C7orf57: variants seen among roughly 807,000 people sequenced by gnomAD.
C7orf57 encodes the protein uncharacterized protein C7orf57.
In C7orf57, 33 loss-of-function variants were observed where a neutral mutation model predicts 39.0. The ratio of observed to expected loss-of-function variants is 0.85; its 90% CI spans 0.64 to 1.13. C7orf57 has a LOEUF of 1.13. Ranked by LOEUF, C7orf57 falls within the 50% of genes most tolerant of loss-of-function variation. C7orf57 has a pLI of 0.00. For synonymous variants in C7orf57, 124 were observed against 137.1 expected, an observed-to-expected ratio of 0.90 and a Z score of 0.67; for missense variants, 346 against 362.3, an observed-to-expected ratio of 0.95 and a Z score of 0.37.
In C7orf57 at chr7:48,046,597, T is replaced by C; in HGVS notation, c.488T>C (p.Leu163Pro). 1 of 1,613,198 alleles carries C rather than the reference T, an allele frequency of 6.2e-7. No individual in the cohort carries two copies. The highest frequency in any genetic ancestry group is 1.1e-5 in the South Asian group (1 of 90,900). ...GTTTGGCAAAGAGAGGCTGAGGAACTTGAAAAGGAGAAAAAAAAGGTGACG... is the reference window on the plus strand; with the variant it reads ...GTTTGGCAAAGAGAGGCTGAGGAACCTGAAAAGGAGAAAAAAAAGGTGACG... Reference protein sequence around the residue: ...KTVWQREAEELEKEKKKLRLP... With the variant: ...KTVWQREAEEPEKEKKKLRLP... The change falls in exon 5 of 9, where the codon CTT (leucine) becomes CCT (proline). Residue 163 changes from leucine to proline, a missense_variant. Coordinates refer to ENST00000348904, the MANE Select transcript of C7orf57 (RefSeq NM_001100159.3).
At position 48,040,658 on chromosome 7, in the gene C7orf57, G is replaced by A. The variant is rs1200753302; in HGVS notation, c.56-676G>A. On this transcript the variant is annotated intron_variant, in intron 2 of 8. Coordinates refer to ENST00000348904, the MANE Select transcript of C7orf57 (RefSeq NM_001100159.3). ...TAAGGTGAGATGAATTCTCATGTGGGGAGTCTGGGTGGAGAGAATGGGGGA... is the reference window on the plus strand; with the variant it reads ...TAAGGTGAGATGAATTCTCATGTGGAGAGTCTGGGTGGAGAGAATGGGGGA... Among the ~76,000 whole-genome samples, 3 of 152,038 alleles carry A rather than the reference G, an allele frequency of 2.0e-5. No homozygotes were observed. In the East Asian group the frequency reaches 5.8e-4, roughly 29 times the overall value.
At chr7:48,052,573 A>G in intron 6 of C7orf57, 127 bp from the exon 7 acceptor site, 1 of 725,614 alleles carries the variant, frequency 1.4e-6, no homozygotes, top group Non-Finnish European at 2.4e-6. Flanking sequence ...GGAAAGACAG[A>G]GAGAGAGAGG....
intron 6 of C7orf57, among the ~76,000 whole-genome samples, chr7:48,052,170 C>T (rs1375975110): frequency 6.6e-6 from 1 of 151,972 alleles, no homozygotes; most frequent in Non-Finnish European, 1.5e-5. Context: ...GACGGGGTTT[C>T]ACCAGGTTGA....
chr7:48,044,715 C>T (rs1016266756), intron 4 of C7orf57, among the ~76,000 whole-genome samples: 1 of 152,158 alleles, frequency 6.6e-6, no homozygotes, highest in African/African-American at 2.4e-5. Flanking sequence ...CTAGGTAAAG[C>T]TAGAAATACA....
At chr7:48,054,501 A>C in intron 7 of C7orf57, 94 bp from the exon 8 acceptor site, 3 of 1,069,966 alleles carry the variant, frequency 2.8e-6, no homozygotes, top group Non-Finnish European at 4.1e-6. Flanking sequence ...TTTAAGTAAT[A>C]CAGAATTTTC....
chr7:48,047,705 T>C (rs1790756523), intron 5 of C7orf57, among the ~76,000 whole-genome samples: 1 of 152,150 alleles, frequency 6.6e-6, no homozygotes, highest in South Asian at 2.1e-4. Flanking sequence ...TGTTTTTTAT[T>C]TTATTTTTTT....
At chr7:48,053,184 G>C in intron 7 of C7orf57, 1 of 576,044 alleles carries the variant, frequency 1.7e-6, no homozygotes. Context: ...AATTTTGATA[G>C]TCCATTTGAT....
intron 6 of C7orf57, 87 bp from the exon 7 acceptor site, chr7:48,052,613 T>C: frequency 9.3e-7 from 1 of 1,074,478 alleles, no homozygotes; most frequent in South Asian, 1.4e-5. Flanking sequence ...CAGTGACACC[T>C]CCTATTTGGT....
intron 7 of C7orf57, 86 bp downstream of exon 7, chr7:48,053,009 C>A: frequency 1.9e-6 from 2 of 1,077,184 alleles, no homozygotes; most frequent in African/African-American, 1.6e-5. Context: ...TGATGCGTCT[C>A]GTAATGAGAA....
chr7:48,044,623 G>A (rs902841561), intron 4 of C7orf57, among the ~76,000 whole-genome samples: 1 of 152,164 alleles, frequency 6.6e-6, no homozygotes, highest in Non-Finnish European at 1.5e-5. Context: ...AGCTAGTCCT[G>A]TCTCTCAGTA....
At chr7:48,046,985 C>T (rs1790736531) in intron 5 of C7orf57, among the ~76,000 whole-genome samples, 1 of 152,100 alleles carries the variant, frequency 6.6e-6, no homozygotes, top group Admixed American at 6.6e-5. Context: ...TAAGAGTTTT[C>T]TGGGACACTC....
chr7:48,037,419 C>T (rs958891430), intron 2 of C7orf57, among the ~76,000 whole-genome samples: 3 of 152,190 alleles, frequency 2.0e-5, no homozygotes, highest in African/African-American at 7.2e-5. Context: ...CAAGGTCACA[C>T]ACTTCGTAAG....
At chr7:48,053,942 T>C (rs1302331432) in intron 7 of C7orf57, among the ~76,000 whole-genome samples, 1 of 152,232 alleles carries the variant, frequency 6.6e-6, no homozygotes, top group Non-Finnish European at 1.5e-5. Flanking sequence ...GTTATACCTC[T>C]TCAGACATTT....
At chr7:48,047,191 T>G (rs1411815994) in intron 5 of C7orf57, among the ~76,000 whole-genome samples, 3 of 152,192 alleles carry the variant, frequency 2.0e-5, no homozygotes, top group Non-Finnish European at 2.9e-5. Flanking sequence ...AGGAGGACCT[T>G]CTATCCCCTT....
At chr7:48,052,478 G>C (rs1268491232) in intron 6 of C7orf57, among the ~76,000 whole-genome samples, 1 of 152,076 alleles carries the variant, frequency 6.6e-6, no homozygotes, top group Admixed American at 6.5e-5. Context: ...ACATGCACTT[G>C]CTATGCTTAA....
chr7:48,054,672 T>C (rs1017582676), intron 8 of C7orf57, 66 bp downstream of exon 8: 4 of 1,378,570 alleles, frequency 2.9e-6, no homozygotes, highest in African/African-American at 1.5e-5. Context: ...TTGATGGACA[T>C]AGTCCTGCAT....
At chr7:48,052,549 G>C in intron 6 of C7orf57, 151 bp from the exon 7 acceptor site, 3 of 655,774 alleles carry the variant, frequency 4.6e-6, no homozygotes, top group East Asian at 5.5e-5. Flanking sequence ...AGAGATAGAG[G>C]GAGAAAGAGA....
intron 6 of C7orf57, among the ~76,000 whole-genome samples, chr7:48,051,763 TTTC>T (rs767909567): frequency 0.011 from 371 of 32,278 alleles, 1 homozygote; most frequent in Non-Finnish European, 0.025. Context: ...TCTTTCTTTC[TTTC>T]TTTCTTTCTT....
Position 48,046,738 on chromosome 7 carries a change from G to A in C7orf57, c.507+122G>A, listed in dbSNP as rs1240001823. On this transcript the variant is annotated intron_variant, in intron 5 of 8. Coordinates refer to ENST00000348904, the MANE Select transcript of C7orf57 (RefSeq NM_001100159.3). ...ATGTTGCTCGTGGCATCGGCCACGT[G>A]CTCTGTATTTTAAGTTTGGATCTAC... is the stretch of plus-strand genomic sequence containing the variant. 9 of 1,063,142 alleles carry A rather than the reference G, an allele frequency of 8.5e-6. No homozygotes were observed. The East Asian group carries it at 2.1e-4, about 25-fold the overall frequency. The allele number at this position is 1,063,142 out of a possible 1,614,324, so 65.9% of individuals were successfully genotyped here.
Sources: allele counts gnomAD v4.1 joint callset (sites outside exome capture counted in the v4.1 genomes callset), GRCh38; gene constraint gnomAD v4.1.1; transcripts MANE v1.5; gene names NCBI Gene and HGNC (gene_info 2026-07-23, HGNC 2026-07-21).